The following ITFG1 variants were observed in gnomAD, a reference collection of about 807,000 sequenced individuals.
ITFG1 encodes the protein integrin alpha FG-GAP repeat containing 1.
ITFG1 carries 34 observed loss-of-function variants against 81.8 expected under a neutral mutation model. The observed-to-expected ratio is 0.42, with a 90% CI of 0.32 to 0.55. The LOEUF (loss-of-function observed/expected upper bound fraction) is 0.55. Among genes scored for constraint, ITFG1 ranks in the 20% least tolerant of loss-of-function variants. ITFG1 has a pLI of 0.17. For missense variants in ITFG1, 672 were observed against 755.4 expected (o/e 0.89, Z 1.29); for synonymous variants, 285 against 270.6 (o/e 1.05, Z -0.52).
chr16:47,449,473 G>A (rs1969362401), intron 5 of ITFG1: 1 of 152,132 alleles, frequency 6.6e-6, no homozygotes, highest in Non-Finnish European at 1.5e-5. Flanking sequence ...TCAGCTTTCT[G>A]TTGTCTGAAC....
At chr16:47,438,255 T>A (rs1969195835) in intron 5 of ITFG1, among the ~76,000 whole-genome samples, 1 of 152,202 alleles carries the variant, frequency 6.6e-6, no homozygotes, top group South Asian at 2.1e-4. Context: ...GCTCCACCGC[T>A]GGGGGCAGGG....
intron 5 of ITFG1, among the ~76,000 whole-genome samples, chr16:47,433,792 T>TATATATACAC (rs1491145615): frequency 7.4e-5 from 10 of 135,634 alleles, no homozygotes; most frequent in African/African-American, 2.8e-4. Flanking sequence ...TATATATATA[T>TATATATACAC]ACACACACAC....
chr16:47,230,060 AAAG>A (rs1965798466), intron 13 of ITFG1, among the ~76,000 whole-genome samples: 3 of 152,206 alleles, frequency 2.0e-5, no homozygotes, highest in South Asian at 2.1e-4. Flanking sequence ...CGTGTAGGAA[AAAG>A]AAGGTGCATA....
chr16:47,156,594 C>T (rs1048447225), intron 17 of ITFG1, among the ~76,000 whole-genome samples: 1 of 152,056 alleles, frequency 6.6e-6, no homozygotes, highest in Non-Finnish European at 1.5e-5. Flanking sequence ...TATTGTATAA[C>T]TGTAGTTCAA....
intron 6 of ITFG1, among the ~76,000 whole-genome samples, chr16:47,405,543 T>A (rs1177041778): frequency 6.6e-6 from 1 of 152,220 alleles, no homozygotes; most frequent in Non-Finnish European, 1.5e-5. Context: ...TATGTTAACA[T>A]TTATTTTATA....
intron 14 of ITFG1, among the ~76,000 whole-genome samples, chr16:47,191,499 A>C (rs1267802380): frequency 6.6e-6 from 1 of 152,134 alleles, no homozygotes; most frequent in Non-Finnish European, 1.5e-5. Flanking sequence ...AGGGAAGCCA[A>C]AAGATTGGAC....
At chr16:47,163,720 A>C (rs1455714918) in intron 14 of ITFG1, among the ~76,000 whole-genome samples, 2 of 152,120 alleles carry the variant, frequency 1.3e-5, no homozygotes, top group African/African-American at 4.8e-5. Flanking sequence ...GCACCATTTT[A>C]TGTTCCCACC....
In ITFG1 at chr16:47,295,198, C is replaced by T. The variant is rs1346140410; in HGVS notation, c.1070+16042G>A. ...CCATCTTTGCATCGCTGGAATAAAT[C>T]TTGCTGTGCTGTTGGATTCAATTTG... On this transcript the variant is annotated intron_variant, in intron 10 of 17. Transcript: ENST00000320640. Among the ~76,000 whole-genome samples, 3 of 152,102 alleles carry T rather than the reference C, an allele frequency of 2.0e-5. No homozygotes were observed. The East Asian group carries it at 5.8e-4, about 29-fold the overall frequency.
intron 6 of ITFG1, among the ~76,000 whole-genome samples, chr16:47,399,460 C>A (rs1209649671): frequency 6.6e-6 from 1 of 152,104 alleles, no homozygotes; most frequent in Non-Finnish European, 1.5e-5. Flanking sequence ...GTAGTCCCAG[C>A]TACTCAGGAG....
intron 8 of ITFG1, among the ~76,000 whole-genome samples, chr16:47,316,725 T>C (rs1280417795): frequency 6.6e-6 from 1 of 152,164 alleles, no homozygotes; most frequent in Non-Finnish European, 1.5e-5. Context: ...AATCTCACAC[T>C]ACAGGAATAT....
At chr16:47,308,602 G>A (rs1967206741) in intron 10 of ITFG1, among the ~76,000 whole-genome samples, 1 of 152,130 alleles carries the variant, frequency 6.6e-6, no homozygotes, top group Non-Finnish European at 1.5e-5. Flanking sequence ...CATGAAAAAC[G>A]ATGGTAAAGT....
chr16:47,158,919 C>T lies in ITFG1; in HGVS notation c.1733G>A (p.Cys578Tyr), dbSNP rs1268551904. 6.2e-7 allele frequency: 1 copy of T among 1,605,440 alleles called. No individual in the cohort carries two copies. The highest frequency in any genetic ancestry group is 8.5e-7 in the Non-Finnish European group (1 of 1,175,528). Residue 578 changes from cysteine (C) to tyrosine (Y), a missense_variant, in exon 17 of 18, where the codon TGT becomes TAT. Transcript: ENST00000320640. ...LLTAIALIGV[C>Y]VFILAIIGIL... is the part of the protein sequence containing the mutation. ...GCCAATTATTGCCAAGATGAAAACA[C>T]AGACACCGATGAGAGCTATAGCAGT...
At chr16:47,199,867 T>C (rs1302878270) in intron 14 of ITFG1, among the ~76,000 whole-genome samples, 2 of 152,198 alleles carry the variant, frequency 1.3e-5, no homozygotes, top group African/African-American at 4.8e-5. Context: ...TGACAGATCA[T>C]CAGGCATTAG....
chr16:47,217,471 T>C (rs902250163), intron 14 of ITFG1, among the ~76,000 whole-genome samples: 1 of 152,240 alleles, frequency 6.6e-6, no homozygotes, highest in Admixed American at 6.5e-5. Context: ...CATCTGCATC[T>C]TCAAAGTCTA....
rs575069436 is a variant in ITFG1, at chr16:47,218,917, A to G, written c.1404T>C (p.Tyr468=). 1.2e-6 allele frequency: 2 copies of G among 1,603,226 alleles called. No homozygotes were observed. The highest frequency in any genetic ancestry group is 1.1e-5 in the South Asian group (1 of 89,398). Residue 468 remains tyrosine (Y), a synonymous_variant, in exon 14 of 18, where the codon TAT becomes TAC. Transcript: ENST00000320640. ...TPFGVNQPGP[Y]IMYTTVDANG... The stretch of plus-strand genomic sequence containing the variant: ...TTGCATCTACAGTTGTATACATGAT[A>G]TAAGGTCCAGGTTGATTCACTCCAA...
At chr16:47,411,462 G>T (rs1004759904) in intron 6 of ITFG1, among the ~76,000 whole-genome samples, 6 of 152,120 alleles carry the variant, frequency 3.9e-5, no homozygotes, top group African/African-American at 1.4e-4. Flanking sequence ...CTTGCTGAGT[G>T]ACAAAACCTT....
chr16:47,412,210 C>G (rs1261672255), intron 6 of ITFG1, among the ~76,000 whole-genome samples: 1 of 152,168 alleles, frequency 6.6e-6, no homozygotes, highest in African/African-American at 2.4e-5. Context: ...CAGAGTGTCT[C>G]CTTACCTCCA....
chr16:47,270,370 A>G lies in ITFG1; in HGVS notation c.1071-9675T>C, dbSNP rs572616549. On this transcript the variant is annotated intron_variant, in intron 10 of 17. Transcript: ENST00000320640. ...TCTTTCAATATTCAATAATAAGAAA[A>G]CAAATATCCTAATTTATTAAATAAA... 2.0e-5 allele frequency among the ~76,000 whole-genome samples: 3 copies of G among 152,330 alleles called. No individual in the cohort carries two copies. The South Asian group carries it at 6.2e-4, about 32-fold the overall frequency.
At chr16:47,445,670 CT>C (rs1368958032) in intron 5 of ITFG1, among the ~76,000 whole-genome samples, 1 of 152,164 alleles carries the variant, frequency 6.6e-6, no homozygotes, top group Non-Finnish European at 1.5e-5. Flanking sequence ...GTCCCATGAC[CT>C]ATTTTGACCA....
Sources: allele counts gnomAD v4.1 joint callset (sites outside exome capture counted in the v4.1 genomes callset), GRCh38; gene constraint gnomAD v4.1.1; transcripts MANE v1.5; gene names NCBI Gene and HGNC (gene_info 2026-07-23, HGNC 2026-07-21).